Variants in CPA6 observed in about 807,000 individuals in gnomAD.
CPA6 encodes carboxypeptidase A6.
Under a neutral mutation model 63.3 loss-of-function variants are expected in CPA6, and 58 were observed. The ratio of observed to expected loss-of-function variants is 0.92; its 90% CI spans 0.74 to 1.14. CPA6 has a LOEUF of 1.14. CPA6 is among the 50% of genes most tolerant of loss of function. The pLI, the probability that CPA6 is intolerant of heterozygous loss-of-function variation, is 0.00. For synonymous variants in CPA6, 185 were observed against 179.0 expected (o/e 1.03, Z -0.27); for missense variants, 565 against 526.6 (o/e 1.07, Z -0.71).
intron 1 of CPA6, among the ~76,000 whole-genome samples, chr8:67,722,151 G>A (rs1817513016): frequency 6.6e-6 from 1 of 152,134 alleles, no homozygotes; most frequent in Non-Finnish European, 1.5e-5. Flanking sequence ...ATCATTCTTT[G>A]CCCATTTAAA....
At chr8:67,588,972 C>T (rs772924278) in intron 2 of CPA6, among the ~76,000 whole-genome samples, 8 of 151,978 alleles carry the variant, frequency 5.3e-5, no homozygotes, top group Non-Finnish European at 1.0e-4. Flanking sequence ...CAAAAATTAG[C>T]TGGGCATGGT....
At chr8:67,614,040 C>G in intron 2 of CPA6, among the ~76,000 whole-genome samples, 1 of 152,172 alleles carries the variant, frequency 6.6e-6, no homozygotes, top group East Asian at 1.9e-4. Context: ...ATCCTTCAAG[C>G]CCGTGTGTGA....
chr8:67,674,334 T>C (rs1308394096), intron 1 of CPA6, among the ~76,000 whole-genome samples: 1 of 152,236 alleles, frequency 6.6e-6, no homozygotes, highest in Non-Finnish European at 1.5e-5. Flanking sequence ...ATTGCTTTAA[T>C]GCTAAAGCCC....
chr8:67,588,790 T>C (rs957875763), intron 2 of CPA6, among the ~76,000 whole-genome samples: 2 of 152,152 alleles, frequency 1.3e-5, no homozygotes, highest in Admixed American at 6.5e-5. Flanking sequence ...CCCCAAACTG[T>C]GATTTGCTTA....
At chr8:67,477,865 C>T (rs1019460383) in intron 8 of CPA6, among the ~76,000 whole-genome samples, 2 of 152,230 alleles carry the variant, frequency 1.3e-5, no homozygotes, top group Non-Finnish European at 2.9e-5. Context: ...AGACTCAGCA[C>T]TTCATCACAT....
chr8:67,626,165 T>A (rs1221242188), intron 1 of CPA6, among the ~76,000 whole-genome samples: 1 of 152,210 alleles, frequency 6.6e-6, no homozygotes, highest in Non-Finnish European at 1.5e-5. Flanking sequence ...AAATCTATTT[T>A]CTTCATAAAT....
At chr8:67,713,073 CTG>C (rs1165690969) in intron 1 of CPA6, among the ~76,000 whole-genome samples, 26 of 97,746 alleles carry the variant, frequency 2.7e-4, no homozygotes, top group African/African-American at 8.9e-4. Flanking sequence ...ATGTGTGTAT[CTG>C]TGTGTGTATG....
chr8:67,522,576 T>C (rs1398386535), intron 2 of CPA6, among the ~76,000 whole-genome samples: 1 of 151,968 alleles, frequency 6.6e-6, no homozygotes, highest in East Asian at 1.9e-4. Flanking sequence ...TGGGAATGAG[T>C]GAGCTGTGAC....
At chr8:67,516,453 T>G (rs1812146629) in intron 3 of CPA6, among the ~76,000 whole-genome samples, 1 of 152,112 alleles carries the variant, frequency 6.6e-6, no homozygotes, top group African/African-American at 2.4e-5. Flanking sequence ...CACCAAGATT[T>G]CCCCCTACAC....
intron 1 of CPA6, among the ~76,000 whole-genome samples, chr8:67,685,782 C>T (rs555443775): frequency 3.9e-5 from 6 of 152,294 alleles, no homozygotes; most frequent in Non-Finnish European, 8.8e-5. Context: ...TGAATTATTA[C>T]GTTATTACGA....
chr8:67,520,235 G>A (rs1812232402), intron 2 of CPA6, among the ~76,000 whole-genome samples: 1 of 152,104 alleles, frequency 6.6e-6, no homozygotes, highest in African/African-American at 2.4e-5. Context: ...GAGTCTATAA[G>A]TGCTATTTTC....
At chr8:67,499,706 T>G (rs2128963554) in intron 6 of CPA6, among the ~76,000 whole-genome samples, 2 of 152,226 alleles carry the variant, frequency 1.3e-5, no homozygotes, top group East Asian at 3.8e-4. Flanking sequence ...ATTTCCATAA[T>G]TTTGTCATTT....
intron 2 of CPA6, among the ~76,000 whole-genome samples, chr8:67,580,654 G>A (rs1035535627): frequency 5.3e-5 from 8 of 152,234 alleles, no homozygotes; most frequent in East Asian, 1.9e-4. Flanking sequence ...ATGTGTGAGC[G>A]TCTATTGACT....
intron 2 of CPA6, among the ~76,000 whole-genome samples, chr8:67,619,764 T>A (rs1391269259): frequency 6.6e-6 from 1 of 152,210 alleles, no homozygotes; most frequent in Non-Finnish European, 1.5e-5. Flanking sequence ...TTTTTTCAAC[T>A]TCCTGTCCCA....
chr8:67,447,506 T>C (rs935479254), intron 8 of CPA6, among the ~76,000 whole-genome samples: 4 of 142,552 alleles, frequency 2.8e-5, no homozygotes, highest in Non-Finnish European at 4.6e-5. Flanking sequence ...TATGTGTGTA[T>C]ACACACACAC....
intron 2 of CPA6, among the ~76,000 whole-genome samples, chr8:67,550,161 T>C (rs1308772172): frequency 1.3e-5 from 2 of 152,172 alleles, no homozygotes; most frequent in East Asian, 1.9e-4. Context: ...GGGCATAGTA[T>C]CCAACAGTTA....
chr8:67,589,377 G>A (rs553598563), intron 2 of CPA6, among the ~76,000 whole-genome samples: 1 of 152,238 alleles, frequency 6.6e-6, no homozygotes, highest in Admixed American at 6.5e-5. Context: ...AATCTTCCAA[G>A]GCTTATTGCC....
At chr8:67,637,820 G>A (rs1815503921) in intron 1 of CPA6, among the ~76,000 whole-genome samples, 1 of 151,318 alleles carries the variant, frequency 6.6e-6, no homozygotes, top group African/African-American at 2.5e-5. Flanking sequence ...AAGATTTGGG[G>A]GCTCAGTAGA....
chr8:67,477,953 G>T (rs1251173205), intron 8 of CPA6, among the ~76,000 whole-genome samples: 3 of 152,152 alleles, frequency 2.0e-5, no homozygotes, highest in Admixed American at 6.5e-5. Context: ...AAAATCTTTA[G>T]ACTCTCTGGA....
Sources: allele counts gnomAD v4.1 joint callset (sites outside exome capture counted in the v4.1 genomes callset), GRCh38; gene constraint gnomAD v4.1.1; transcripts MANE v1.5; gene names NCBI Gene and HGNC (gene_info 2026-07-23, HGNC 2026-07-21).